TANC2: variants seen among roughly 807,000 people sequenced by gnomAD.
TANC2 encodes tetratricopeptide repeat, ankyrin repeat and coiled-coil containing 2.
Under a neutral mutation model 210.5 loss-of-function variants are expected in TANC2, and 26 were observed. The ratio of observed to expected loss-of-function variants is 0.12; its 90% CI spans 0.09 to 0.17. TANC2 has a LOEUF of 0.17. TANC2 is among the 10% of genes least tolerant of loss of function. The pLI is 1.00. For synonymous variants in TANC2, 931 were observed against 967.1 expected, an observed-to-expected ratio of 0.96 and a Z score of 0.69; for missense variants, 2,129 against 2,608.9, an observed-to-expected ratio of 0.82 and a Z score of 4.01.
chr17:63,151,441 C>T (rs2145405106), intron 5 of TANC2, 61 bp downstream of exon 5: 3 of 837,974 alleles, frequency 3.6e-6, no homozygotes, highest in Non-Finnish European at 4.3e-6. Flanking sequence ...GCCCATCCAG[C>T]AGAGCAGTGT....
intron 2 of TANC2, among the ~76,000 whole-genome samples, chr17:63,010,173 A>G (rs1435574300): frequency 1.3e-5 from 2 of 152,150 alleles, no homozygotes; most frequent in East Asian, 3.9e-4. Context: ...TTTTTTATTA[A>G]TGAGTGGTAG....
chr17:63,214,999 C>T (rs1047335204), intron 7 of TANC2, among the ~76,000 whole-genome samples: 5 of 152,166 alleles, frequency 3.3e-5, no homozygotes, highest in Non-Finnish European at 7.3e-5. Flanking sequence ...GATTTAGGTC[C>T]TTGCTGCTCC....
In TANC2 at chr17:63,352,742, TGAAA is replaced by T. The variant is rs201851426; in HGVS notation, c.1974+1330_1974+1333del. ...TTAAAAATTATTTCATTTCCGACAGTGAAAGAATTTATAGGTTTTAGAAAATGAG... is the reference window on the plus strand; with the variant it reads ...TTAAAAATTATTTCATTTCCGACAGTGAATTTATAGGTTTTAGAAAATGAG... On this transcript the variant is annotated intron_variant, in intron 13 of 27. Coordinates refer to ENST00000689528, the Ensembl canonical transcript of TANC2. Among the ~76,000 whole-genome samples, 66 of 152,292 alleles carry T rather than the reference TGAAA, an allele frequency of 4.3e-4. 2 individuals are homozygous for T. In the East Asian group the frequency reaches 0.01, roughly 24 times the overall value.
intron 7 of TANC2, among the ~76,000 whole-genome samples, chr17:63,215,755 AT>A (rs538458895): frequency 5.4e-5 from 8 of 148,520 alleles, no homozygotes; most frequent in Middle Eastern, 3.4e-3. Context: ...TTTTATTATT[AT>A]TTTTTTTTTC....
At chr17:63,098,470 ACACACACACATACACTCTCT>A (rs1567720951) in intron 3 of TANC2, among the ~76,000 whole-genome samples, 16 of 38,606 alleles carry the variant, frequency 4.1e-4, no homozygotes, top group African/African-American at 2.7e-3. Context: ...ACACACACAC[ACACACACACATACACTCTCT>A]CTCTCTCTCT....
intron 5 of TANC2, chr17:63,152,429 T>TTTGAA (rs1228312206): frequency 6.6e-6 from 1 of 152,028 alleles, no homozygotes; most frequent in Non-Finnish European, 1.5e-5. Context: ...ATGAGTCAAT[T>TTTGAA]TTGAATACTG....
At chr17:63,157,265 A>G (rs571683491) in intron 5 of TANC2, among the ~76,000 whole-genome samples, 1 of 152,216 alleles carries the variant, frequency 6.6e-6, no homozygotes, top group African/African-American at 2.4e-5. Context: ...ATGTCAAGAG[A>G]CCATATTTTG....
intron 14 of TANC2, among the ~76,000 whole-genome samples, chr17:63,378,248 A>G (rs1454188268): frequency 3.3e-5 from 5 of 152,212 alleles, no homozygotes; most frequent in Admixed American, 1.3e-4. Flanking sequence ...GCAGTAGACT[A>G]TGTTAGGCAC....
chr17:63,090,607 T>A (rs1434685826), intron 3 of TANC2, among the ~76,000 whole-genome samples: 1 of 152,214 alleles, frequency 6.6e-6, no homozygotes, highest in Non-Finnish European at 1.5e-5. Flanking sequence ...CAGTCTATCA[T>A]TGATGGACAT....
intron 26 of TANC2, among the ~76,000 whole-genome samples, chr17:63,417,976 A>G (rs1292396212): frequency 6.6e-6 from 1 of 152,234 alleles, no homozygotes; most frequent in African/African-American, 2.4e-5. Flanking sequence ...TCCTACATGC[A>G]TGGATAACTT....
intron 9 of TANC2, among the ~76,000 whole-genome samples, chr17:63,270,412 T>G (rs1351163745): frequency 6.6e-6 from 1 of 152,140 alleles, no homozygotes; most frequent in Non-Finnish European, 1.5e-5. Flanking sequence ...AAAATCAGAT[T>G]TGTTTTCCTG....
At chr17:63,197,510 T>C (rs1002231513) in intron 6 of TANC2, 1 of 152,214 alleles carries the variant, frequency 6.6e-6, no homozygotes, top group Non-Finnish European at 1.5e-5. Context: ...ACTGCTATGC[T>C]TAGGCAGATC....
chr17:63,169,770 C>T (rs919444629), intron 5 of TANC2, among the ~76,000 whole-genome samples: 4 of 151,482 alleles, frequency 2.6e-5, no homozygotes, highest in Non-Finnish European at 5.9e-5. Context: ...GTCAAGATCC[C>T]GCTATTGCAC....
chr17:63,175,585 T>G (rs2040552525), intron 5 of TANC2, among the ~76,000 whole-genome samples: 2 of 148,886 alleles, frequency 1.3e-5, no homozygotes, highest in Non-Finnish European at 3.0e-5. Context: ...GAGCTAGGAC[T>G]GAATCTTTGC....
chr17:63,050,097 A>G (rs1243103943), intron 2 of TANC2, among the ~76,000 whole-genome samples: 1 of 152,100 alleles, frequency 6.6e-6, no homozygotes, highest in East Asian at 1.9e-4. Context: ...CACACATGTA[A>G]TCCTAGCACT....
chr17:63,342,564 C>T (rs2046268709), intron 12 of TANC2, among the ~76,000 whole-genome samples: 1 of 152,170 alleles, frequency 6.6e-6, no homozygotes, highest in Non-Finnish European at 1.5e-5. Flanking sequence ...ATCACGAGGT[C>T]AGGAGATCAA....
At chr17:63,039,421 A>G (rs2035096878) in intron 2 of TANC2, among the ~76,000 whole-genome samples, 1 of 152,194 alleles carries the variant, frequency 6.6e-6, no homozygotes, top group Admixed American at 6.5e-5. Context: ...TAGCATACAG[A>G]TTTACTGCTG....
At chr17:63,225,614 T>C (rs1433359788) in intron 7 of TANC2, among the ~76,000 whole-genome samples, 2 of 152,236 alleles carry the variant, frequency 1.3e-5, no homozygotes, top group African/African-American at 4.8e-5. Flanking sequence ...CCTAAGTAGA[T>C]GGTACCACCA....
chr17:63,090,499 T>C (rs1166111278), intron 3 of TANC2, among the ~76,000 whole-genome samples: 2 of 152,204 alleles, frequency 1.3e-5, no homozygotes, highest in African/African-American at 4.8e-5. Context: ...AGAATGATGG[T>C]TTCCGGCTTC....
Sources: allele counts gnomAD v4.1 joint callset (sites outside exome capture counted in the v4.1 genomes callset), GRCh38; gene constraint gnomAD v4.1.1; transcripts MANE v1.5; gene names NCBI Gene and HGNC (gene_info 2026-07-23, HGNC 2026-07-21).